Variants in TNFSF11 observed in about 807,000 individuals in gnomAD.
TNFSF11 encodes the protein TNF superfamily member 11.
In TNFSF11, 12 loss-of-function variants were observed where a neutral mutation model predicts 32.2. The ratio of observed to expected loss-of-function variants is 0.37; its 90% CI spans 0.24 to 0.60. TNFSF11 has a LOEUF of 0.60. TNFSF11 is among the 20% of genes least tolerant of loss of function. The pLI, the probability that TNFSF11 is intolerant of heterozygous loss-of-function variation, is 0.66. For missense variants in TNFSF11, 345 were observed against 398.0 expected, an observed-to-expected ratio of 0.87 and a Z score of 1.13; for synonymous variants, 172 against 152.1, an observed-to-expected ratio of 1.13 and a Z score of -0.96.
At chr13:42,568,986 G>T (rs1177812621) in intron 2 of TNFSF11, among the ~76,000 whole-genome samples, 1 of 152,140 alleles carries the variant, frequency 6.6e-6, no homozygotes, top group Non-Finnish European at 1.5e-5. Flanking sequence ...ACTTTAATTT[G>T]AAGAGTTGAG....
chr13:42,578,585 A>C (rs147824253), intron 1 of TNFSF11, among the ~76,000 whole-genome samples: 1 of 152,370 alleles, frequency 6.6e-6, no homozygotes, highest in East Asian at 1.9e-4. Context: ...TTTGGGAAAA[A>C]ACAGTGGATG....
At chr13:42,564,365 C>T (rs945920116) in intron 1 of TNFSF11, among the ~76,000 whole-genome samples, 6 of 152,066 alleles carry the variant, frequency 3.9e-5, no homozygotes, top group African/African-American at 1.4e-4. Context: ...GTCAGGAGTT[C>T]GAGACCAGCC....
rs543112459 is a variant in TNFSF11 at position 42,580,866 on chromosome 13, C to A, written c.220-260C>A. Among the ~76,000 whole-genome samples, 3 of 152,168 alleles carry A rather than the reference C, an allele frequency of 2.0e-5. No homozygotes were observed. In the East Asian group the frequency reaches 5.8e-4, roughly 29 times the overall value. ...GTTTGACAATTTCCCCCATGAATCA[C>A]GCACATACACTTCTGTCATTGTTAA... On this transcript the variant is annotated intron_variant, in intron 1 of 4. Coordinates refer to ENST00000398795, the MANE Select transcript of TNFSF11 (RefSeq NM_003701.4).
At chr13:42,598,657 GA>G (rs554715859) in intron 2 of TNFSF11, among the ~76,000 whole-genome samples, 1,010 of 152,326 alleles carry the variant, frequency 6.6e-3, no homozygotes, top group Non-Finnish European at 0.012. Context: ...AGTAGCATTT[GA>G]AGGATAAGGG....
At chr13:42,587,754 G>T (rs768240851) in intron 2 of TNFSF11, among the ~76,000 whole-genome samples, 22 of 152,196 alleles carry the variant, frequency 1.4e-4, no homozygotes, top group Non-Finnish European at 2.8e-4. Flanking sequence ...TTAAGTGATT[G>T]TGTTTTCTAC....
rs150014988 is a variant in TNFSF11, at chr13:42,568,109, C to G, written c.-160+1347C>G. ...TGAGTGACTTCCTGTCCCTTCTTCA[C>G]CTAATTGTGTACATTTAAATGTTAA... On this transcript the variant is annotated intron_variant, in intron 2 of 6. Transcript: ENST00000358545. Among the ~76,000 whole-genome samples, 250 of 152,358 alleles carry G rather than the reference C, an allele frequency of 1.6e-3. 1 individual carries two copies. The highest frequency in any genetic ancestry group is 5.8e-3 in the African/African-American group (242 of 41,582).
intron 2 of TNFSF11, among the ~76,000 whole-genome samples, chr13:42,583,417 T>TGAAAAAAA (rs1873716378): frequency 4.1e-5 from 1 of 24,644 alleles, no homozygotes; most frequent in Non-Finnish European, 7.0e-5. Flanking sequence ...AAGACCCTGC[T>TGAAAAAAA]AAAAAAAAAA....
intron 1 of TNFSF11, among the ~76,000 whole-genome samples, chr13:42,575,861 T>C (rs1295156934): frequency 6.6e-6 from 1 of 152,226 alleles, no homozygotes; most frequent in Non-Finnish European, 1.5e-5. Context: ...CTTTCTTTCA[T>C]TGGAGTGTGT....
intron 2 of TNFSF11, among the ~76,000 whole-genome samples, chr13:42,596,974 G>A (rs1868844300): frequency 6.6e-6 from 1 of 152,218 alleles, no homozygotes; most frequent in Admixed American, 6.5e-5. Flanking sequence ...TGCGCAGCCA[G>A]GTCCCTCACT....
upstream of TNFSF11, among the ~76,000 whole-genome samples, chr13:42,570,268 A>G (rs1415918413): frequency 1.3e-5 from 2 of 152,184 alleles, no homozygotes; most frequent in Non-Finnish European, 2.9e-5. Context: ...AGCCCATGAC[A>G]TGAGGTTCAC....
At chr13:42,590,845 TA>T (rs1868423914) in intron 2 of TNFSF11, among the ~76,000 whole-genome samples, 1 of 152,204 alleles carries the variant, frequency 6.6e-6, no homozygotes, top group Non-Finnish European at 1.5e-5. Context: ...CAATAAAAAC[TA>T]ATTTTCTATT....
intron 2 of TNFSF11, 32 bp downstream of exon 2, chr13:42,581,325 G>A: frequency 1.2e-6 from 2 of 1,612,732 alleles, no homozygotes; most frequent in Non-Finnish European, 1.7e-6. Flanking sequence ...TAAGTCAAGG[G>A]CCCTTGCTGA....
At chr13:42,577,459 CT>C (rs1873376940) in intron 1 of TNFSF11, among the ~76,000 whole-genome samples, 1 of 151,900 alleles carries the variant, frequency 6.6e-6, no homozygotes, top group Non-Finnish European at 1.5e-5. Context: ...GTGGCTTCTG[CT>C]ATATATTTAC....
intron 2 of TNFSF11, among the ~76,000 whole-genome samples, chr13:42,588,657 T>C (rs188923414): frequency 2.0e-5 from 3 of 152,082 alleles, no homozygotes; most frequent in Non-Finnish European, 4.4e-5. Flanking sequence ...ATCTTAAGAC[T>C]CAGTTGGGGC....
At chr13:42,597,946 T>C (rs1346833975) in intron 2 of TNFSF11, among the ~76,000 whole-genome samples, 1 of 152,164 alleles carries the variant, frequency 6.6e-6, no homozygotes, top group Non-Finnish European at 1.5e-5. Context: ...CCTCCTGGGC[T>C]CAAGCAATCC....
intron 1 of TNFSF11, among the ~76,000 whole-genome samples, chr13:42,563,993 A>G (rs1786245831): frequency 6.6e-6 from 1 of 151,916 alleles, no homozygotes; most frequent in African/African-American, 2.4e-5. Flanking sequence ...TGTCCCATGT[A>G]TTTCTCATGT....
upstream of TNFSF11, among the ~76,000 whole-genome samples, chr13:42,569,983 AATTAT>A (rs1873005437): frequency 6.6e-6 from 1 of 152,100 alleles, no homozygotes; most frequent in African/African-American, 2.4e-5. Context: ...TTATTTATAA[AATTAT>A]ATTAACATTA....
chr13:42,581,097 C>CT (rs1566376902), intron 1 of TNFSF11, 29 bp from the exon 2 acceptor site: 1 of 1,612,994 alleles, frequency 6.2e-7, no homozygotes. Context: ...GATAAGCACT[C>CT]TAACGTCCTT....
At chr13:42,598,824 A>G (rs977975958) in intron 2 of TNFSF11, among the ~76,000 whole-genome samples, 11 of 152,228 alleles carry the variant, frequency 7.2e-5, no homozygotes, top group African/African-American at 2.7e-4. Context: ...AAAGAAAAAG[A>G]TGCACTGTGT....
Sources: gnomAD v4.1 joint callset for allele counts (sites outside exome capture counted in the v4.1 genomes callset) on GRCh38, gnomAD v4.1.1 for gene constraint, MANE v1.5 for transcripts, NCBI Gene and HGNC (gene_info 2026-07-23, HGNC 2026-07-21) for gene names.